Variants in TCERG1 observed in about 807,000 individuals in gnomAD.
TCERG1 encodes the protein TATA box binding protein (TBP)-associated factor, RNA polymerase II, S, 150kD.
Under a neutral mutation model 144.7 loss-of-function variants are expected in TCERG1, and 37 were observed. That is an observed-to-expected ratio of 0.26 (90% CI 0.20 to 0.34). The LOEUF is 0.34. TCERG1 is among the 10% of genes least tolerant of loss of function. The pLI, the probability that TCERG1 is intolerant of heterozygous loss-of-function variation, is 1.00. For missense variants in TCERG1, 1,027 were observed against 1,380.7 expected (o/e 0.74, Z 4.06); for synonymous variants, 492 against 458.2 (o/e 1.07, Z -0.94).
chr5:146,467,166 T>C (rs1763870261), intron 5 of TCERG1, among the ~76,000 whole-genome samples: 1 of 152,264 alleles, frequency 6.6e-6, no homozygotes, highest in Admixed American at 6.5e-5. Context: ...GAAATAAAGG[T>C]ACTTTTCAAT....
At chr5:146,454,032 A>AAAAAATT (rs1762589700) in intron 1 of TCERG1, among the ~76,000 whole-genome samples, 1 of 82,968 alleles carries the variant, frequency 1.2e-5, no homozygotes, top group Non-Finnish European at 2.4e-5. Flanking sequence ...ATCTCTACTC[A>AAAAAATT]AATACAAAAA....
rs984976225 is a variant in TCERG1 at position 146,476,502 on chromosome 5, T to C, written c.1602-1991T>C. 2.6e-5 allele frequency among the ~76,000 whole-genome samples: 4 copies of C among 152,226 alleles called. No individual in the cohort carries two copies. In the East Asian group the frequency reaches 7.7e-4, roughly 29 times the overall value. On this transcript the variant is annotated intron_variant, in intron 9 of 22. Coordinates refer to ENST00000679501, the MANE Select transcript of TCERG1 (RefSeq NM_001382548.1). ...TTAAAGGCACTTGGAATAGTTGTTTTCTGTATAATTTCTATATAATTATTC... is the reference window on the plus strand; with the variant it reads ...TTAAAGGCACTTGGAATAGTTGTTTCCTGTATAATTTCTATATAATTATTC...
In TCERG1 at chr5:146,455,872, G is replaced by T. The variant is rs376410153; in HGVS notation, c.285+591G>T. Among the ~76,000 whole-genome samples the T allele has an allele frequency of 3.7e-4, 56 of 152,302 alleles. 1 individual carries two copies. In the East Asian group the frequency reaches 4.0e-3, roughly 11 times the overall value. Reference sequence around the variant, plus strand: ...TTATGGTATTTTAACCTGGGGCATAGATCCTTCTCCAGTGTATCCAGACTT... The same window carrying T: ...TTATGGTATTTTAACCTGGGGCATATATCCTTCTCCAGTGTATCCAGACTT... On this transcript the variant is annotated intron_variant, in intron 2 of 22. Transcript: ENST00000679501.
intron 9 of TCERG1, 24 bp downstream of exon 9, chr5:146,471,600 A>ATTTT (rs141675712): frequency 9.4e-6 from 13 of 1,388,742 alleles, no homozygotes; most frequent in African/African-American, 1.5e-5. Flanking sequence ...TCAAGTAGTA[A>ATTTT]TTTTTTTTTT....
chr5:146,496,639 G>A (rs1249349911), intron 16 of TCERG1, among the ~76,000 whole-genome samples: 1 of 151,872 alleles, frequency 6.6e-6, no homozygotes, highest in Non-Finnish European at 1.5e-5. Context: ...CTTTGAACCT[G>A]TTTTTCTTTG....
At chr5:146,466,128 C>T (rs1763766442) in intron 5 of TCERG1, among the ~76,000 whole-genome samples, 1 of 151,782 alleles carries the variant, frequency 6.6e-6, no homozygotes, top group African/African-American at 2.4e-5. Flanking sequence ...TTAACTCAGT[C>T]CTACAAGGTG....
intron 4 of TCERG1, among the ~76,000 whole-genome samples, chr5:146,463,041 G>T (rs527805203): frequency 1.2e-4 from 18 of 152,134 alleles, no homozygotes; most frequent in African/African-American, 4.3e-4. Flanking sequence ...TTAGCCTTTT[G>T]TTCAAGGCTT....
intron 12 of TCERG1, 47 bp from the exon 13 acceptor site, chr5:146,481,102 GT>G: frequency 4.2e-6 from 4 of 944,446 alleles, no homozygotes; most frequent in Non-Finnish European, 5.0e-6. Flanking sequence ...GTTTTTAATT[GT>G]TTGTTCTTAT....
chr5:146,472,618 A>G (rs1367449779), intron 9 of TCERG1, among the ~76,000 whole-genome samples: 1 of 152,088 alleles, frequency 6.6e-6, no homozygotes, highest in Non-Finnish European at 1.5e-5. Context: ...CTGAGACACA[A>G]CAATATTGAA....
chr5:146,457,368 G>A (rs754294383), intron 3 of TCERG1, 33 bp downstream of exon 3: 5 of 1,559,086 alleles, frequency 3.2e-6, no homozygotes, highest in Non-Finnish European at 2.6e-6. Context: ...GTTGTCATTT[G>A]TTGACAGAGG....
At chr5:146,464,240 G>A (rs930845637) in intron 5 of TCERG1, among the ~76,000 whole-genome samples, 4 of 152,136 alleles carry the variant, frequency 2.6e-5, no homozygotes, top group Non-Finnish European at 5.9e-5. Context: ...TAGGTACACA[G>A]ACAGGTTAAA....
chr5:146,471,569 A>G lies in TCERG1; in HGVS notation c.1594A>G (p.Thr532Ala), dbSNP rs2150400942. ...KPVATAPIPG[T>A]PWCVVWTGDE... ...AGTTGCTACTGCTCCTATTCCTGGT[A>G]CTCCATGGTATGTATTTGGCTCAAG... The change falls in exon 9 of 23, where the codon ACT (threonine) becomes GCT (alanine). Residue 532 changes from threonine to alanine, a missense_variant. Around this residue, in one of 6 missense-constraint regions of TCERG1, gnomAD observed 482 missense variants for 632.6 expected, o/e 0.76. Coordinates refer to ENST00000679501, the MANE Select transcript of TCERG1 (RefSeq NM_001382548.1). 1 of 1,610,598 alleles carries G rather than the reference A, an allele frequency of 6.2e-7. No homozygotes were observed. The highest frequency in any genetic ancestry group is 2.2e-5 in the East Asian group (1 of 44,794).
intron 1 of TCERG1, among the ~76,000 whole-genome samples, chr5:146,454,037 CAAAA>C: frequency 7.7e-6 from 1 of 129,856 alleles, no homozygotes; most frequent in Admixed American, 7.6e-5. Flanking sequence ...TACTCAAATA[CAAAA>C]AAAAAAAAAA....
At chr5:146,467,929 C>T (rs1044215764) in intron 5 of TCERG1, among the ~76,000 whole-genome samples, 1 of 152,144 alleles carries the variant, frequency 6.6e-6, no homozygotes, top group African/African-American at 2.4e-5. Context: ...AACTTAGCGG[C>T]AGCATAGAGA....
intron 9 of TCERG1, among the ~76,000 whole-genome samples, chr5:146,475,702 T>C (rs1764779792): frequency 6.6e-6 from 1 of 152,164 alleles, no homozygotes; most frequent in Non-Finnish European, 1.5e-5. Context: ...AGCGTTCCAA[T>C]AATGGAACAC....
chr5:146,464,259 C>G (rs1337664307), intron 5 of TCERG1, among the ~76,000 whole-genome samples: 2 of 152,090 alleles, frequency 1.3e-5, no homozygotes, highest in Non-Finnish European at 2.9e-5. Context: ...AATTACTTGC[C>G]CAAGGTCACA....
intron 16 of TCERG1, among the ~76,000 whole-genome samples, chr5:146,494,162 G>A (rs1440117153): frequency 1.3e-5 from 2 of 152,048 alleles, no homozygotes; most frequent in African/African-American, 4.8e-5. Context: ...AGTCAAAATA[G>A]TTGAGTCTCT....
At chr5:146,499,372 A>G (rs533939433) in intron 17 of TCERG1, among the ~76,000 whole-genome samples, 1 of 152,344 alleles carries the variant, frequency 6.6e-6, no homozygotes, top group Admixed American at 6.5e-5. Flanking sequence ...GAAAGTTATA[A>G]TATTACAAGT....
At chr5:146,467,934 T>C (rs1763934076) in intron 5 of TCERG1, among the ~76,000 whole-genome samples, 1 of 152,216 alleles carries the variant, frequency 6.6e-6, no homozygotes, top group East Asian at 1.9e-4. Context: ...AGCGGCAGCA[T>C]AGAGAAAGTG....
Sources: gnomAD v4.1 joint callset for allele counts (sites outside exome capture counted in the v4.1 genomes callset) on GRCh38, gnomAD v4.1.1 for gene constraint, gnomAD v4.1.1 regional missense constraint, MANE v1.5 for transcripts, NCBI Gene and HGNC (gene_info 2026-07-23, HGNC 2026-07-21) for gene names.